Variants in SYN3 observed in about 807,000 individuals in gnomAD.
The protein encoded by SYN3 is synapsin-3.
In SYN3, 35 loss-of-function variants were observed where a neutral mutation model predicts 65.8. That is an observed-to-expected ratio of 0.53 (90% confidence interval 0.41 to 0.70). SYN3 has a LOEUF of 0.70. Ranked by LOEUF, SYN3 falls within the 30% of genes least tolerant of loss-of-function variation. The pLI, the probability that SYN3 is intolerant of heterozygous loss-of-function variation, is 0.00. For synonymous variants in SYN3, 270 were observed against 292.9 expected (o/e 0.92, Z 0.80); for missense variants, 680 against 749.0 (o/e 0.91, Z 1.08).
chr22:32,916,460 C>A (rs2050188655), intron 4 of SYN3, among the ~76,000 whole-genome samples: 1 of 152,258 alleles, frequency 6.6e-6, no homozygotes, highest in African/African-American at 2.4e-5. Context: ...GAACTTATAA[C>A]TTCTCTAGGC....
At chr22:32,957,292 T>C (rs182056614) in intron 3 of SYN3, among the ~76,000 whole-genome samples, 1 of 152,290 alleles carries the variant, frequency 6.6e-6, no homozygotes, top group East Asian at 1.9e-4. Flanking sequence ...AGATATTTCC[T>C]TCCCCTGGCT....
intron 7 of SYN3, among the ~76,000 whole-genome samples, chr22:32,548,261 G>T (rs1226424336): frequency 6.6e-6 from 1 of 152,196 alleles, no homozygotes; most frequent in Non-Finnish European, 1.5e-5. Context: ...CACCATGTTG[G>T]CCAGGACGGT....
rs201152088 is a variant in SYN3 at position 32,508,301 on chromosome 22, A to AC, written c.*5390dup. Among the ~76,000 whole-genome samples the AC allele has an allele frequency of 6.6e-6, 1 of 151,602 alleles. No homozygotes were observed. The highest frequency in any genetic ancestry group is 6.6e-5 in the Admixed American group (1 of 15,186). ...AAGCTCCCGCACTGAGCACCTTGTGACCCCCGCCCCTGCCCACCAGAGAAC... is the reference window on the plus strand; with the variant it reads ...AAGCTCCCGCACTGAGCACCTTGTGACCCCCCGCCCCTGCCCACCAGAGAAC... On this transcript the variant is annotated 3_prime_UTR_variant, in exon 14 of 14. Coordinates refer to ENST00000358763, the MANE Select transcript of SYN3 (RefSeq NM_003490.4).
chr22:33,056,353 A>G (rs2054253026), intron 1 of SYN3, among the ~76,000 whole-genome samples: 1 of 152,162 alleles, frequency 6.6e-6, no homozygotes, highest in Non-Finnish European at 1.5e-5. Context: ...TGTAGTGGAT[A>G]CCGTGGGGAA....
intron 6 of SYN3, among the ~76,000 whole-genome samples, chr22:32,813,092 G>T (rs1333514195): frequency 6.6e-6 from 1 of 152,172 alleles, no homozygotes; most frequent in Non-Finnish European, 1.5e-5. Flanking sequence ...CAAACCCAGT[G>T]CCTACAGGGA....
chr22:32,515,012 T>C (rs2057748169), intron 13 of SYN3, among the ~76,000 whole-genome samples: 2 of 148,430 alleles, frequency 1.3e-5, no homozygotes, highest in South Asian at 4.2e-4. Flanking sequence ...AGACTCCATC[T>C]CAAAAAAAAA....
intron 6 of SYN3, among the ~76,000 whole-genome samples, chr22:32,625,909 G>A (rs375937178): frequency 6.6e-6 from 1 of 152,110 alleles, no homozygotes; most frequent in South Asian, 2.1e-4. Context: ...TAAAGATATC[G>A]ATAACCGTAA....
rs139763906 is a variant in SYN3 at position 32,631,003 on chromosome 22, C to T, written c.712-34267G>A. Reference sequence around the variant, plus strand: ...TCAGCCAGAGGGATGTTTAAAAATACCTGCAGAGGGCCGGGTGTGGTGGCT... The same window carrying T: ...TCAGCCAGAGGGATGTTTAAAAATATCTGCAGAGGGCCGGGTGTGGTGGCT... On this transcript the variant is annotated intron_variant, in intron 6 of 13. Coordinates refer to ENST00000358763, the MANE Select transcript of SYN3 (RefSeq NM_003490.4). Among the ~76,000 whole-genome samples, 30 of 152,304 alleles carry T rather than the reference C, an allele frequency of 2.0e-4. No individual in the cohort carries two copies. The East Asian group carries it at 5.8e-3, about 29-fold the overall frequency.
intron 6 of SYN3, among the ~76,000 whole-genome samples, chr22:32,627,835 TGTTTTTGTTTTG>T (rs111879150): frequency 0.1 from 15,550 of 152,052 alleles, 1,945 homozygotes; most frequent in African/African-American, 0.3. Context: ...TTTTTGTTTT[TGTTTTTGTTTTG>T]AGACAGAGTC....
intron 6 of SYN3, among the ~76,000 whole-genome samples, chr22:32,706,389 C>A (rs2060881407): frequency 6.6e-6 from 1 of 151,972 alleles, no homozygotes; most frequent in South Asian, 2.1e-4. Context: ...ACTATGCAGG[C>A]CAGAAGATAA....
intron 6 of SYN3, among the ~76,000 whole-genome samples, chr22:32,792,140 T>G (rs560387947): frequency 1.3e-5 from 2 of 152,262 alleles, no homozygotes; most frequent in African/African-American, 4.8e-5. Context: ...TTCATGAAAA[T>G]CCTACGAGGT....
intron 6 of SYN3, among the ~76,000 whole-genome samples, chr22:32,850,205 A>C (rs1220707768): frequency 6.6e-6 from 1 of 151,648 alleles, no homozygotes; most frequent in Non-Finnish European, 1.5e-5. Flanking sequence ...CTTAAGAAAA[A>C]GAACACCAGA....
intron 12 of SYN3, among the ~76,000 whole-genome samples, chr22:32,526,417 T>C (rs1361999769): frequency 6.6e-6 from 1 of 152,184 alleles, no homozygotes; most frequent in Non-Finnish European, 1.5e-5. Context: ...TTGACTTTTT[T>C]TCACAAAGTA....
At chr22:32,880,388 G>C (rs1273730628) in intron 4 of SYN3, among the ~76,000 whole-genome samples, 1 of 152,180 alleles carries the variant, frequency 6.6e-6, no homozygotes. Context: ...AAGCCAAGGA[G>C]GGATATTGTC....
At chr22:32,732,170 A>G (rs377391176) in intron 6 of SYN3, among the ~76,000 whole-genome samples, 1 of 152,204 alleles carries the variant, frequency 6.6e-6, no homozygotes, top group South Asian at 2.1e-4. Context: ...AGTATTCCCA[A>G]TGAGATCTTA....
At chr22:32,862,206 A>T (rs1419337954) in intron 6 of SYN3, 3 of 152,130 alleles carry the variant, frequency 2.0e-5, no homozygotes, top group Non-Finnish European at 4.4e-5. Context: ...GGAAGCCATG[A>T]TTTTCCTAAG....
At chr22:32,804,517 T>C (rs1180221255) in intron 6 of SYN3, among the ~76,000 whole-genome samples, 2 of 152,196 alleles carry the variant, frequency 1.3e-5, no homozygotes, top group Non-Finnish European at 2.9e-5. Context: ...TTTAAAACCA[T>C]CATGGTGGTT....
intron 4 of SYN3, among the ~76,000 whole-genome samples, chr22:32,894,996 C>T (rs1326800617): frequency 2.0e-5 from 3 of 152,148 alleles, no homozygotes; most frequent in African/African-American, 4.8e-5. Context: ...ATTGAAGCAT[C>T]GTTAGCATGA....
intron 7 of SYN3, among the ~76,000 whole-genome samples, chr22:32,585,922 GTGTATATACGTATATGTGTATGTATACA>G (rs2059018743): frequency 1.7e-5 from 1 of 58,600 alleles, no homozygotes; most frequent in East Asian, 1.6e-3. Flanking sequence ...ATACATATAT[GTGTATATACGTATATGTGTATGTATACA>G]TATATGTGTA....
Sources: gnomAD v4.1 joint callset for allele counts (sites outside exome capture counted in the v4.1 genomes callset) on GRCh38, gnomAD v4.1.1 for gene constraint, MANE v1.5 for transcripts, NCBI Gene and HGNC (gene_info 2026-07-23, HGNC 2026-07-21) for gene names.